OSBPL8: variants seen among roughly 807,000 people sequenced by gnomAD.
OSBPL8 encodes the protein oxysterol binding protein like 8, also known as oxysterol-binding protein-related protein 8.
In OSBPL8, 59 loss-of-function variants were observed where a neutral mutation model predicts 125.5. The ratio of observed to expected loss-of-function variants is 0.47; its 90% CI spans 0.38 to 0.58. The LOEUF (loss-of-function observed/expected upper bound fraction) is 0.58, where lower values mean the gene tolerates loss of function less well. OSBPL8 is among the 20% of genes least tolerant of loss of function. The pLI is 0.00. For missense variants in OSBPL8, 758 were observed against 1,047.8 expected (o/e 0.72, Z 3.82); for synonymous variants, 330 against 338.9 (o/e 0.97, Z 0.29).
intron 16 of OSBPL8, among the ~76,000 whole-genome samples, chr12:76,376,550 T>C (rs770099157): frequency 6.6e-6 from 1 of 152,194 alleles, no homozygotes; most frequent in Non-Finnish European, 1.5e-5. Context: ...ATAAAAAATT[T>C]TCCCTATTGT....
chr12:76,486,608 C>G (rs776019975), intron 2 of OSBPL8, among the ~76,000 whole-genome samples: 1 of 152,102 alleles, frequency 6.6e-6, no homozygotes, highest in Non-Finnish European at 1.5e-5. Context: ...ATCATTTAGT[C>G]CATCCTACTA....
chr12:76,487,127 T>A (rs1878232116), intron 2 of OSBPL8, among the ~76,000 whole-genome samples: 1 of 150,636 alleles, frequency 6.6e-6, no homozygotes, highest in Admixed American at 6.6e-5. Flanking sequence ...CCTCCCAAGT[T>A]CAAGCAATTC....
chr12:76,470,580 T>C (rs568346214), intron 2 of OSBPL8, among the ~76,000 whole-genome samples: 10 of 152,344 alleles, frequency 6.6e-5, no homozygotes, highest in Admixed American at 6.5e-4. Context: ...TGAGCCTACA[T>C]TCTAGATTAA....
intron 1 of OSBPL8, among the ~76,000 whole-genome samples, chr12:76,504,802 A>G (rs1385982797): frequency 6.6e-6 from 1 of 152,208 alleles, no homozygotes; most frequent in Non-Finnish European, 1.5e-5. Context: ...CAGAGGTCAC[A>G]AGATTTGCAA....
intron 4 of OSBPL8, among the ~76,000 whole-genome samples, chr12:76,429,837 T>C (rs2136563269): frequency 6.6e-6 from 1 of 151,762 alleles, no homozygotes; most frequent in South Asian, 2.1e-4. Flanking sequence ...CCAACACAAA[T>C]GCCAGTATCA....
intron 2 of OSBPL8, among the ~76,000 whole-genome samples, chr12:76,471,343 T>C (rs1169332278): frequency 6.6e-6 from 1 of 152,074 alleles, no homozygotes; most frequent in East Asian, 1.9e-4. Flanking sequence ...TCCTATATTT[T>C]CTCCCTTAAG....
chr12:76,507,077 G>C (rs977239486), intron 1 of OSBPL8, among the ~76,000 whole-genome samples: 2 of 151,552 alleles, frequency 1.3e-5, no homozygotes, highest in Non-Finnish European at 2.9e-5. Context: ...CCAAACTAAA[G>C]CCAGGCCTGC....
chr12:76,382,678 T>A (rs1287748002), intron 15 of OSBPL8, among the ~76,000 whole-genome samples: 1 of 151,918 alleles, frequency 6.6e-6, no homozygotes, highest in Non-Finnish European at 1.5e-5. Context: ...AGGTCAGGAG[T>A]TCGAGACCAG....
intron 1 of OSBPL8, among the ~76,000 whole-genome samples, chr12:76,502,060 G>C (rs997133856): frequency 3.3e-5 from 5 of 152,180 alleles, no homozygotes; most frequent in African/African-American, 1.2e-4. Context: ...ACATCATGAA[G>C]TAACTGGTTT....
chr12:76,553,831 G>A (rs973951180), intron 1 of OSBPL8, among the ~76,000 whole-genome samples: 3 of 151,654 alleles, frequency 2.0e-5, no homozygotes, highest in Non-Finnish European at 1.5e-5. Context: ...CAAAAAATTA[G>A]CTGGGCATGG....
rs1953201465 is a variant in OSBPL8, at chr12:76,384,336, T to G, written c.1548A>C (p.Pro516=). ...FYIAEQVSHH[P]PISAFYVSNR... ...TACTAACATAAAAGGCAGATATTGG[T>G]GGATGATGGGACACCTATTAAACAT... The change falls in exon 15 of 24, where the codon CCA becomes CCC. Residue 516 remains proline (P), a synonymous_variant. Coordinates refer to ENST00000261183, the MANE Select transcript of OSBPL8 (RefSeq NM_020841.5). 6.5e-7 allele frequency: 1 copy of G among 1,549,018 alleles called. No individual in the cohort carries two copies. Among genetic ancestry groups the G allele is most frequent in the Non-Finnish European group, 8.8e-7 (1 of 1,136,194 alleles).
chr12:76,391,048 A>T (rs1373318916), intron 10 of OSBPL8, among the ~76,000 whole-genome samples: 1 of 152,160 alleles, frequency 6.6e-6, no homozygotes, highest in African/African-American at 2.4e-5. Context: ...TGGTATGAAG[A>T]AAAAATGCAG....
chr12:76,357,730 A>T (rs117415836), intron 22 of OSBPL8, among the ~76,000 whole-genome samples: 2 of 152,204 alleles, frequency 1.3e-5, no homozygotes, highest in Non-Finnish European at 2.9e-5. Flanking sequence ...CCTCTCCTTT[A>T]AACTCTTTAT....
At chr12:76,379,933 C>A (rs1229368718) in intron 15 of OSBPL8, among the ~76,000 whole-genome samples, 1 of 152,136 alleles carries the variant, frequency 6.6e-6, no homozygotes, top group Admixed American at 6.5e-5. Flanking sequence ...AATCATTTCT[C>A]CCATGTCAAA....
At chr12:76,369,412 A>C (rs770128702) in intron 20 of OSBPL8, 111 bp from the exon 21 acceptor site, 39 of 1,433,052 alleles carry the variant, frequency 2.7e-5, no homozygotes, top group Non-Finnish European at 3.4e-5. Flanking sequence ...TAGTTCTAAT[A>C]ATGAGATTTC....
At chr12:76,453,648 T>G (rs542904067) in intron 3 of OSBPL8, among the ~76,000 whole-genome samples, 1 of 152,092 alleles carries the variant, frequency 6.6e-6, no homozygotes, top group Non-Finnish European at 1.5e-5. Flanking sequence ...AATATCTTCA[T>G]AAACTTGGGA....
chr12:76,475,811 C>T (rs1014488168), intron 2 of OSBPL8, among the ~76,000 whole-genome samples: 3 of 152,202 alleles, frequency 2.0e-5, no homozygotes, highest in Admixed American at 6.5e-5. Context: ...GCTCTTTTCT[C>T]TCTAATCATT....
At chr12:76,485,016 G>A (rs142325645) in intron 2 of OSBPL8, among the ~76,000 whole-genome samples, 3,137 of 152,058 alleles carry the variant, frequency 0.021, 115 homozygotes, top group African/African-American at 0.071. Context: ...TGCCTCCCAG[G>A]TTCAAGCAAT....
chr12:76,431,141 G>A (rs1247344947), intron 4 of OSBPL8, among the ~76,000 whole-genome samples: 4 of 152,018 alleles, frequency 2.6e-5, no homozygotes, highest in Non-Finnish European at 5.9e-5. Flanking sequence ...GTAAAATGTG[G>A]AGTATCTAAA....
Sources: gnomAD v4.1 joint callset for allele counts (sites outside exome capture counted in the v4.1 genomes callset) on GRCh38, gnomAD v4.1.1 for gene constraint, MANE v1.5 for transcripts, NCBI Gene and HGNC (gene_info 2026-07-23, HGNC 2026-07-21) for gene names.